MYRIP: variants seen among roughly 807,000 people sequenced by gnomAD.
MYRIP encodes rab effector MyRIP.
Under a neutral mutation model 98.0 loss-of-function variants are expected in MYRIP, and 49 were observed. That is an observed-to-expected ratio of 0.50 (90% CI 0.40 to 0.63). MYRIP has a LOEUF of 0.63. MYRIP is among the 30% of genes least tolerant of loss of function. MYRIP has a pLI of 0.00. For synonymous variants in MYRIP, 404 were observed against 409.5 expected (o/e 0.99, Z 0.16); for missense variants, 1,004 against 1,058.2 (o/e 0.95, Z 0.71).
intron 8 of MYRIP, chr3:40,173,921 T>C (rs991400764): frequency 9.9e-5 from 15 of 152,048 alleles, no homozygotes; most frequent in African/African-American, 2.7e-4. Context: ...AGCATTTCTT[T>C]GTTTTTTTGA....
intron 2 of MYRIP, among the ~76,000 whole-genome samples, chr3:40,036,611 T>TA: frequency 6.6e-6 from 1 of 151,988 alleles, no homozygotes; most frequent in Non-Finnish European, 1.5e-5. Context: ...CTCCTGCAAA[T>TA]AAAAAATACG....
At chr3:40,160,283 G>C (rs1161942114) in intron 4 of MYRIP, among the ~76,000 whole-genome samples, 2 of 152,226 alleles carry the variant, frequency 1.3e-5, no homozygotes, top group African/African-American at 2.4e-5. Flanking sequence ...CCTACTGGGG[G>C]GTGCCTCCCA....
chr3:40,237,867 A>G (rs1952865455), intron 12 of MYRIP, among the ~76,000 whole-genome samples: 2 of 152,264 alleles, frequency 1.3e-5, no homozygotes, highest in Non-Finnish European at 2.9e-5. Context: ...CTCATAGCAC[A>G]CTTAAAACAA....
chr3:39,950,480 C>T (rs896890378), intron 2 of MYRIP, among the ~76,000 whole-genome samples: 1 of 152,068 alleles, frequency 6.6e-6, no homozygotes, highest in Non-Finnish European at 1.5e-5. Flanking sequence ...CTGATTATGC[C>T]CAGCTTTTCA....
At chr3:40,024,650 T>A (rs977779778) in intron 2 of MYRIP, among the ~76,000 whole-genome samples, 4 of 152,014 alleles carry the variant, frequency 2.6e-5, no homozygotes, top group Non-Finnish European at 5.9e-5. Context: ...AATACGAGTG[T>A]ACAGTGTGAT....
intron 11 of MYRIP, among the ~76,000 whole-genome samples, chr3:40,229,372 A>G (rs537927736): frequency 0.02 from 3,078 of 152,334 alleles, 19 homozygotes; most frequent in East Asian, 0.031. Context: ...GAGGAAAAAA[A>G]CGATAGAGTT....
At chr3:39,917,161 T>C (rs979666225) in intron 2 of MYRIP, among the ~76,000 whole-genome samples, 1 of 152,022 alleles carries the variant, frequency 6.6e-6, no homozygotes, top group African/African-American at 2.4e-5. Context: ...TCATTTACAA[T>C]AGAGTCAACA....
At chr3:39,975,034 G>T (rs57163811) in intron 2 of MYRIP, among the ~76,000 whole-genome samples, 27,657 of 152,078 alleles carry the variant, frequency 0.18, 4,826 homozygotes, top group African/African-American at 0.45. Flanking sequence ...AGTGTTGGAA[G>T]TTCTGGCCAG....
intron 3 of MYRIP, among the ~76,000 whole-genome samples, chr3:40,128,856 TGTTA>T (rs1402094385): frequency 3.3e-5 from 5 of 152,204 alleles, no homozygotes; most frequent in African/African-American, 1.2e-4. Flanking sequence ...AACAAAGGAA[TGTTA>T]GTTTAGCTTC....
At chr3:40,256,431 T>C (rs965756298) in intron 16 of MYRIP, among the ~76,000 whole-genome samples, 2 of 152,098 alleles carry the variant, frequency 1.3e-5, no homozygotes, top group Non-Finnish European at 2.9e-5. Flanking sequence ...TTGTTCCTTG[T>C]TAAAGAAAAT....
chr3:40,164,145 TCTC>T (rs778273958), intron 5 of MYRIP, among the ~76,000 whole-genome samples: 3 of 152,078 alleles, frequency 2.0e-5, no homozygotes, highest in Non-Finnish European at 2.9e-5. Context: ...CTTCAGTCCC[TCTC>T]CTCATTTCCC....
At chr3:39,895,901 C>CGTGTGTGTGTGTGTG (rs771533240) in intron 1 of MYRIP, among the ~76,000 whole-genome samples, 1 of 133,174 alleles carries the variant, frequency 7.5e-6, no homozygotes, top group Non-Finnish European at 1.6e-5. Flanking sequence ...GAGAAAAACT[C>CGTGTGTGTGTGTGTG]GTGTGTGTGT....
At chr3:40,178,054 G>A (rs553544362) in intron 8 of MYRIP, among the ~76,000 whole-genome samples, 1 of 152,180 alleles carries the variant, frequency 6.6e-6, no homozygotes, top group East Asian at 1.9e-4. Context: ...CTGTGTCTCA[G>A]TTACGTATAC....
chr3:40,124,290 C>T (rs964513240), intron 3 of MYRIP, among the ~76,000 whole-genome samples: 1 of 152,190 alleles, frequency 6.6e-6, no homozygotes, highest in Non-Finnish European at 1.5e-5. Context: ...CAGACACAAC[C>T]AAACCACAGA....
chr3:40,229,945 A>T (rs577281420), intron 11 of MYRIP, among the ~76,000 whole-genome samples: 4 of 152,242 alleles, frequency 2.6e-5, no homozygotes, highest in African/African-American at 9.6e-5. Context: ...TTGGCATTTT[A>T]AAAAAAGAGA....
At chr3:39,972,618 ACT>A (rs1340043142) in intron 2 of MYRIP, among the ~76,000 whole-genome samples, 2 of 151,972 alleles carry the variant, frequency 1.3e-5, no homozygotes, top group Non-Finnish European at 1.5e-5. Context: ...TTGAATATTC[ACT>A]CTCAGTATTT....
chr3:39,985,903 G>T (rs990271105), intron 2 of MYRIP, among the ~76,000 whole-genome samples: 3 of 151,194 alleles, frequency 2.0e-5, no homozygotes, highest in Non-Finnish European at 2.9e-5. Flanking sequence ...CATGGGCAAG[G>T]GTTTCATGTC....
chr3:40,182,404 T>C (rs746715534), intron 9 of MYRIP, 31 bp downstream of exon 9: 2 of 1,593,174 alleles, frequency 1.3e-6, no homozygotes, highest in Non-Finnish European at 1.7e-6. Flanking sequence ...CTAGTTGGTC[T>C]GTGGGTTTCA....
At chr3:40,025,434 C>A (rs989600651) in intron 2 of MYRIP, among the ~76,000 whole-genome samples, 5 of 151,892 alleles carry the variant, frequency 3.3e-5, no homozygotes, top group African/African-American at 9.7e-5. Flanking sequence ...GTGATATTAC[C>A]CATGACAAAC....
Sources: allele counts gnomAD v4.1 joint callset (sites outside exome capture counted in the v4.1 genomes callset), GRCh38; gene constraint gnomAD v4.1.1; transcripts MANE v1.5; gene names NCBI Gene and HGNC (gene_info 2026-07-23, HGNC 2026-07-21).